Variants in MYO1D observed in about 807,000 individuals in gnomAD.
MYO1D encodes the protein unconventional myosin-Id.
In MYO1D, 83 loss-of-function variants were observed where a neutral mutation model predicts 122.0. That is an observed-to-expected ratio of 0.68 (90% CI 0.57 to 0.82). The LOEUF is 0.82. Among genes scored for constraint, MYO1D ranks in the 40% least tolerant of loss-of-function variants. MYO1D has a pLI of 0.00. For missense variants in MYO1D, 1,157 were observed against 1,269.5 expected (o/e 0.91, Z 1.35); for synonymous variants, 464 against 446.9 (o/e 1.04, Z -0.48).
At chr17:32,668,972 G>A (rs985640536) in intron 16 of MYO1D, among the ~76,000 whole-genome samples, 3 of 151,960 alleles carry the variant, frequency 2.0e-5, no homozygotes, top group African/African-American at 7.3e-5. Context: ...AAAGTGCTGG[G>A]ATTACAGGTG....
chr17:32,575,084 T>C (rs1228080660), intron 21 of MYO1D, among the ~76,000 whole-genome samples: 1 of 152,200 alleles, frequency 6.6e-6, no homozygotes, highest in Non-Finnish European at 1.5e-5. Context: ...AGCAATGAAA[T>C]GTTGATATAC....
At chr17:32,570,951 A>T (rs1339186728) in intron 21 of MYO1D, among the ~76,000 whole-genome samples, 1 of 152,228 alleles carries the variant, frequency 6.6e-6, no homozygotes, top group Non-Finnish European at 1.5e-5. Context: ...AAGAGAAAGA[A>T]GTGACAGATT....
At chr17:32,735,274 C>T (rs1323234810) in intron 14 of MYO1D, among the ~76,000 whole-genome samples, 1 of 152,140 alleles carries the variant, frequency 6.6e-6, no homozygotes, top group African/African-American at 2.4e-5. Context: ...CTGCTATCTC[C>T]ACCTCCTGGG....
At chr17:32,539,282 C>CAT (rs1910763865) in intron 21 of MYO1D, among the ~76,000 whole-genome samples, 1 of 64,766 alleles carries the variant, frequency 1.5e-5, no homozygotes, top group African/African-American at 8.5e-5. Context: ...TCTCTACACA[C>CAT]ACACACACAC....
At chr17:32,692,825 T>G (rs1344854024) in intron 16 of MYO1D, among the ~76,000 whole-genome samples, 2 of 152,194 alleles carry the variant, frequency 1.3e-5, no homozygotes, top group African/African-American at 4.8e-5. Flanking sequence ...AACAGGAAAC[T>G]TAATGAGTTG....
intron 16 of MYO1D, among the ~76,000 whole-genome samples, chr17:32,698,995 T>A (rs2089210325): frequency 6.6e-6 from 1 of 152,146 alleles, no homozygotes; most frequent in Non-Finnish European, 1.5e-5. Context: ...TCAAGACAAG[T>A]CTTGCTCTGT....
chr17:32,645,551 A>G (rs897145072), intron 19 of MYO1D, among the ~76,000 whole-genome samples: 3 of 152,040 alleles, frequency 2.0e-5, no homozygotes, highest in African/African-American at 7.3e-5. Context: ...AATCAGACGG[A>G]GATTTGGTCT....
rs570383107 is a variant in MYO1D at position 32,496,594 on chromosome 17, C to T, written c.2865-1679G>A. 4.9e-4 allele frequency among the ~76,000 whole-genome samples: 74 copies of T among 152,298 alleles called. 1 individual carries two copies. The highest frequency in any genetic ancestry group is 1.4e-3 in the African/African-American group (59 of 41,560). On this transcript the variant is annotated intron_variant, in intron 21 of 21. Transcript: ENST00000318217. Reference sequence around the variant, plus strand: ...GTCCAGGTGGGGCCCCTGCAGCCCTCGTGCTGGACCAGATGCCTCCAGGAC... The same window carrying T: ...GTCCAGGTGGGGCCCCTGCAGCCCTTGTGCTGGACCAGATGCCTCCAGGAC...
Position 32,518,466 on chromosome 17 carries a change from T to A in MYO1D, c.2865-23551A>T, listed in dbSNP as rs1171151248. 2.0e-5 allele frequency: 3 copies of A among 152,274 alleles called. No homozygotes were observed. In the South Asian group the frequency reaches 6.2e-4, roughly 31 times the overall value. 9.4% of individuals were successfully genotyped at this position (152,274 alleles called of 1,614,324 possible). A position where few individuals can be genotyped will look rare whatever the true frequency, so the allele number is the denominator to read the frequency against. ...TGAACACTTTCTTGAAGAAGTGATA[T>A]TAAAAACATTTGATTTTAAAGAGTG... On this transcript the variant is annotated intron_variant, in intron 21 of 21. Transcript: ENST00000318217.
At chr17:32,755,846 C>T in intron 10 of MYO1D, 184 bp from the exon 11 acceptor site, 1 of 493,846 alleles carries the variant, frequency 2.0e-6, no homozygotes, top group Non-Finnish European at 3.5e-6. Context: ...TTTTAAATTT[C>T]TTTGTTAACT....
At chr17:32,501,667 C>G (rs74947943) in intron 21 of MYO1D, among the ~76,000 whole-genome samples, 2 of 152,192 alleles carry the variant, frequency 1.3e-5, no homozygotes, top group Non-Finnish European at 2.9e-5. Context: ...CAGCACGTAC[C>G]GGGAGGCATC....
At chr17:32,783,608 C>T (rs1475798860) in intron 1 of MYO1D, among the ~76,000 whole-genome samples, 1 of 152,184 alleles carries the variant, frequency 6.6e-6, no homozygotes, top group African/African-American at 2.4e-5. Context: ...AATGCTTCAG[C>T]AATTCACAAA....
At chr17:32,822,238 G>A (rs1049741024) in intron 1 of MYO1D, among the ~76,000 whole-genome samples, 3 of 152,106 alleles carry the variant, frequency 2.0e-5, no homozygotes, top group African/African-American at 4.8e-5. Context: ...CATGGATGAA[G>A]CTGGAAACCA....
At chr17:32,520,987 G>A (rs1345481120) in intron 21 of MYO1D, among the ~76,000 whole-genome samples, 1 of 152,164 alleles carries the variant, frequency 6.6e-6, no homozygotes, top group Non-Finnish European at 1.5e-5. Context: ...CATAGGGCGG[G>A]GAATCGCGCC....
intron 12 of MYO1D, among the ~76,000 whole-genome samples, chr17:32,748,092 G>GAACTTTTGAACTCCAGAACT (rs2089856871): frequency 6.6e-6 from 1 of 152,100 alleles, no homozygotes; most frequent in Non-Finnish European, 1.5e-5. Context: ...CACCGATTGT[G>GAACTTTTGAACTCCAGAACT]GTTAATTTGT....
chr17:32,537,694 G>C (rs1032630367), intron 21 of MYO1D, among the ~76,000 whole-genome samples: 4 of 152,188 alleles, frequency 2.6e-5, no homozygotes, highest in East Asian at 1.9e-4. Flanking sequence ...TCCATAGAGA[G>C]AGAAATGAAT....
intron 19 of MYO1D, among the ~76,000 whole-genome samples, chr17:32,640,053 C>T (rs2088173762): frequency 6.6e-6 from 1 of 152,088 alleles, no homozygotes; most frequent in South Asian, 2.1e-4. Flanking sequence ...GAATTTTATT[C>T]AATCTTCTCC....
rs990107947 is a variant in MYO1D at position 32,620,576 on chromosome 17, T to C, written c.2710-15335A>G. On this transcript the variant is annotated intron_variant, in intron 20 of 21. Coordinates refer to ENST00000318217, the MANE Select transcript of MYO1D (RefSeq NM_015194.3). ...CCCCTGCCAAGTTCCTCCAGAGTCC[T>C]GAGGTCCCTAGCTGGTCCACTTTCC... is the stretch of plus-strand genomic sequence containing the variant. 3.3e-5 allele frequency among the ~76,000 whole-genome samples: 5 copies of C among 152,224 alleles called. No individual in the cohort carries two copies. The South Asian group carries it at 1.0e-3, about 32-fold the overall frequency.
chr17:32,805,242 T>C (rs760567387), intron 1 of MYO1D, among the ~76,000 whole-genome samples: 52 of 152,206 alleles, frequency 3.4e-4, no homozygotes, highest in Non-Finnish European at 6.8e-4. Flanking sequence ...CTGTGAGCAA[T>C]ACATTTCTGT....
Sources: allele counts gnomAD v4.1 joint callset (sites outside exome capture counted in the v4.1 genomes callset), GRCh38; gene constraint gnomAD v4.1.1; transcripts MANE v1.5; gene names NCBI Gene and HGNC (gene_info 2026-07-23, HGNC 2026-07-21).